The following F13A1 variants were observed in gnomAD, a reference collection of about 807,000 sequenced individuals.
F13A1 encodes the protein FSF, A subunit.
Under a neutral mutation model 80.1 loss-of-function variants are expected in F13A1, and 47 were observed. The observed-to-expected ratio is 0.59, with a 90% confidence interval of 0.46 to 0.75. The LOEUF is 0.75. F13A1 is among the 30% of genes least tolerant of loss of function. The probability of loss-of-function intolerance (pLI) is 0.00; values close to 1 mark genes in which losing one functional copy is unlikely to be tolerated. For missense variants in F13A1, 817 were observed against 930.4 expected (o/e 0.88, Z 1.59); for synonymous variants, 349 against 344.9 (o/e 1.01, Z -0.13).
At chr6:6,176,304 G>A (rs1031594314) in intron 11 of F13A1, among the ~76,000 whole-genome samples, 3 of 152,192 alleles carry the variant, frequency 2.0e-5, no homozygotes, top group South Asian at 2.1e-4. Context: ...CTCACTGAGG[G>A]CTAGCTCTGT....
intron 3 of F13A1, chr6:6,305,066 T>C (rs142414129): frequency 1.8e-4 from 86 of 472,976 alleles, no homozygotes; most frequent in Non-Finnish European, 3.9e-5. Flanking sequence ...AATCATAGGA[T>C]GCCAAAACCA....
chr6:6,216,261 A>G (rs1308536095), intron 8 of F13A1, among the ~76,000 whole-genome samples: 1 of 151,934 alleles, frequency 6.6e-6, no homozygotes, highest in East Asian at 1.9e-4. Flanking sequence ...GCATCACACT[A>G]CCTGACTTCA....
chr6:6,230,222 G>T (rs1583083614), intron 6 of F13A1, among the ~76,000 whole-genome samples: 1 of 152,090 alleles, frequency 6.6e-6, no homozygotes, highest in South Asian at 2.1e-4. Flanking sequence ...CTTGCCCTCT[G>T]CCTGGAAATG....
chr6:6,205,817 A>G (rs1272607675), intron 8 of F13A1, among the ~76,000 whole-genome samples: 1 of 151,742 alleles, frequency 6.6e-6, no homozygotes, highest in Admixed American at 6.6e-5. Flanking sequence ...AAACGAAAAC[A>G]ACAAAAATTA....
At chr6:6,287,701 G>A (rs1317733705) in intron 3 of F13A1, among the ~76,000 whole-genome samples, 1 of 152,200 alleles carries the variant, frequency 6.6e-6, no homozygotes, top group Admixed American at 6.5e-5. Flanking sequence ...CAGGGCTGAG[G>A]AAGCACATGG....
chr6:6,299,895 CT>C (rs1278041614), intron 3 of F13A1, among the ~76,000 whole-genome samples: 1 of 147,362 alleles, frequency 6.8e-6, no homozygotes, highest in South Asian at 2.1e-4. Context: ...TACTTTTGGT[CT>C]TTGATGATGG....
chr6:6,221,911 T>G (rs985519544), intron 8 of F13A1, 122 bp downstream of exon 8: 12 of 1,114,418 alleles, frequency 1.1e-5, no homozygotes, highest in Non-Finnish European at 1.5e-5. Context: ...CAGAGTTTTC[T>G]GCCTGTGCTG....
At chr6:6,308,504 G>C (rs1443236940) in intron 2 of F13A1, among the ~76,000 whole-genome samples, 2 of 147,800 alleles carry the variant, frequency 1.4e-5, no homozygotes, top group African/African-American at 5.0e-5. Flanking sequence ...AAAATAAACA[G>C]TCTATTATTT....
intron 8 of F13A1, among the ~76,000 whole-genome samples, chr6:6,219,119 G>A (rs1276286354): frequency 6.6e-6 from 1 of 152,170 alleles, no homozygotes; most frequent in Non-Finnish European, 1.5e-5. Context: ...AAACCAACCA[G>A]GAGCGGGGAA....
chr6:6,271,312 C>A (rs551862255), intron 3 of F13A1, among the ~76,000 whole-genome samples: 1 of 152,246 alleles, frequency 6.6e-6, no homozygotes, highest in South Asian at 2.1e-4. Flanking sequence ...AGTAGTATTT[C>A]ATTTCACTAA....
chr6:6,317,762 G>C (rs1758705301), intron 2 of F13A1, among the ~76,000 whole-genome samples: 1 of 152,108 alleles, frequency 6.6e-6, no homozygotes, highest in African/African-American at 2.4e-5. Flanking sequence ...AGTAAAATTA[G>C]ATTTTGGTGC....
chr6:6,301,531 A>G (rs911655778), intron 3 of F13A1, among the ~76,000 whole-genome samples: 3 of 152,246 alleles, frequency 2.0e-5, no homozygotes, highest in Non-Finnish European at 2.9e-5. Flanking sequence ...ATGGGTTCTG[A>G]AAGGTTTAGA....
At position 6,318,548 on chromosome 6, in the gene F13A1, G is replaced by T. The variant is rs181003679; in HGVS notation, c.117C>A (p.Gly39=). 5.6e-6 allele frequency: 9 copies of T among 1,613,142 alleles called. No homozygotes were observed. In the East Asian group the frequency reaches 1.6e-4, roughly 28 times the overall value. ...GTATGCTCATACCTTGCAGGTTGAC[G>T]CCCCGGGGCACCACGCCCTGAAGCT... The part of the protein sequence containing the change: ...TVELQGVVPR[G]VNLQEFLNVT... The change falls in exon 2 of 15, where the codon GGC becomes GGA. Residue 39 remains glycine (G), a synonymous_variant. Coordinates refer to ENST00000264870, the MANE Select transcript of F13A1 (RefSeq NM_000129.4).
intron 3 of F13A1, among the ~76,000 whole-genome samples, chr6:6,294,038 T>C (rs1215429994): frequency 6.6e-6 from 1 of 152,128 alleles, no homozygotes; most frequent in Non-Finnish European, 1.5e-5. Flanking sequence ...AATATAATAA[T>C]AGCTTGCTTT....
intron 3 of F13A1, among the ~76,000 whole-genome samples, chr6:6,281,058 CCATGAAAACGGT>C (rs1758053790): frequency 6.6e-6 from 1 of 152,146 alleles, no homozygotes; most frequent in African/African-American, 2.4e-5. Context: ...GCATGGCTCC[CCATGAAAACGGT>C]CATTTGGCAA....
chr6:6,174,084 T>C (rs954113001), intron 12 of F13A1, among the ~76,000 whole-genome samples: 2 of 151,990 alleles, frequency 1.3e-5, no homozygotes, highest in Admixed American at 1.3e-4. Context: ...GCATGAGACG[T>C]GAGGATGAAA....
chr6:6,166,982 T>A (rs59089313), intron 13 of F13A1, among the ~76,000 whole-genome samples: 3 of 152,212 alleles, frequency 2.0e-5, no homozygotes, highest in Non-Finnish European at 4.4e-5. Flanking sequence ...CACACGCACA[T>A]ACAAAATCAT....
chr6:6,193,610 G>A (rs1458818481), intron 10 of F13A1, among the ~76,000 whole-genome samples: 1 of 152,206 alleles, frequency 6.6e-6, no homozygotes, highest in Non-Finnish European at 1.5e-5. Context: ...GGGTGAGAAA[G>A]GAGTAATTAT....
At chr6:6,256,236 G>T (rs1757700480) in intron 4 of F13A1, among the ~76,000 whole-genome samples, 1 of 152,070 alleles carries the variant, frequency 6.6e-6, no homozygotes, top group Non-Finnish European at 1.5e-5. Context: ...CGTGTATGAG[G>T]CTTGTGTGGA....
Sources: allele counts gnomAD v4.1 joint callset (sites outside exome capture counted in the v4.1 genomes callset), GRCh38; gene constraint gnomAD v4.1.1; transcripts MANE v1.5; gene names NCBI Gene and HGNC (gene_info 2026-07-23, HGNC 2026-07-21).